The following GNG7 variants were observed in gnomAD, a reference collection of about 807,000 sequenced individuals.
GNG7 encodes G protein subunit gamma 7.
Under a neutral mutation model 4.0 loss-of-function variants are expected in GNG7, and 1 was observed. The ratio of observed to expected loss-of-function variants is 0.25; its 90% CI spans 0.09 to 1.18. The LOEUF (loss-of-function observed/expected upper bound fraction) is 1.18. Ranked by LOEUF, GNG7 falls within the 50% of genes most tolerant of loss-of-function variation. The pLI, the probability that GNG7 is intolerant of heterozygous loss-of-function variation, is 0.50. For synonymous variants in GNG7, 34 were observed against 36.9 expected, an observed-to-expected ratio of 0.92 and a Z score of 0.29; for missense variants, 86 against 91.9, an observed-to-expected ratio of 0.94 and a Z score of 0.26.
intron 4 of GNG7, 43 bp downstream of exon 4, chr19:2,520,565 C>T (rs572018660): frequency 1.7e-6 from 2 of 1,188,492 alleles, no homozygotes; most frequent in South Asian, 2.6e-5. Flanking sequence ...GCGGGGCCCC[C>T]AAGGGTCTCT....
chr19:2,673,285 A>AC (rs1983511657), intron 1 of GNG7, among the ~76,000 whole-genome samples: 1 of 150,498 alleles, frequency 6.6e-6, no homozygotes, highest in East Asian at 2.0e-4. Context: ...AAACAAAACA[A>AC]AACAAAAAAA....
At chr19:2,648,957 C>T (rs1215311584) in intron 1 of GNG7, among the ~76,000 whole-genome samples, 1 of 151,658 alleles carries the variant, frequency 6.6e-6, no homozygotes, top group African/African-American at 2.4e-5. Flanking sequence ...GGTGTAATCA[C>T]AGCTCACTGC....
Position 2,614,106 on chromosome 19 carries a change from CG to C in GNG7, c.-78+32117del. ...GTGGGTCCGTTGCAGGCGTCTGTTG[CG>C]AGACCACATCCTCACCACCCGGTGA... is the stretch of plus-strand genomic sequence containing the variant. On this transcript the variant is annotated intron_variant, in intron 2 of 4. Transcript: ENST00000382159. This position sits in a 1 kb window ranked among gnomAD's most constrained non-coding sequence, Gnocchi z 6.0. Among the ~76,000 whole-genome samples, 1 of 152,122 alleles carries C rather than the reference CG, an allele frequency of 6.6e-6. No homozygotes were observed. Among genetic ancestry groups the C allele is most frequent in the Non-Finnish European group, 1.5e-5 (1 of 68,024 alleles).
chr19:2,592,929 G>GGGAA (rs533301759), intron 2 of GNG7, among the ~76,000 whole-genome samples: 4 of 146,310 alleles, frequency 2.7e-5, no homozygotes, highest in Non-Finnish European at 4.5e-5. Context: ...AGGAGAGGGA[G>GGGAA]GGAAGGAAGG....
chr19:2,651,200 G>A (rs1362102963), intron 1 of GNG7, among the ~76,000 whole-genome samples: 2 of 151,798 alleles, frequency 1.3e-5, no homozygotes, highest in Non-Finnish European at 2.9e-5. Context: ...TGTCCTGGAG[G>A]CACTTCTCCA....
rs1981673073 is a variant in GNG7, at chr19:2,614,757, G to A, written c.-78+31467C>T. Among the ~76,000 whole-genome samples, 2 of 152,194 alleles carry A rather than the reference G, an allele frequency of 1.3e-5. No homozygotes were observed. The highest frequency in any genetic ancestry group is 1.3e-4 in the Admixed American group (2 of 15,266). ...CGTACTGTATGAACATTTGTGGCAAGGTTCTATTTGAACACCTGCTTCCAA... is the reference window on the plus strand; with the variant it reads ...CGTACTGTATGAACATTTGTGGCAAAGTTCTATTTGAACACCTGCTTCCAA... On this transcript the variant is annotated intron_variant, in intron 2 of 4. Coordinates refer to ENST00000382159, the MANE Select transcript of GNG7 (RefSeq NM_052847.3). This position sits in a 1 kb window ranked among gnomAD's most constrained non-coding sequence, Gnocchi z 6.0.
At chr19:2,632,985 G>C (rs1172042881) in intron 2 of GNG7, 1 of 152,244 alleles carries the variant, frequency 6.6e-6, no homozygotes, top group East Asian at 1.9e-4. Flanking sequence ...GGGACAGGGG[G>C]CCCCTCTACC....
intron 3 of GNG7, among the ~76,000 whole-genome samples, chr19:2,527,979 G>A (rs1346500036): frequency 6.6e-6 from 1 of 152,066 alleles, no homozygotes; most frequent in Non-Finnish European, 1.5e-5. Context: ...GGTACTGAAT[G>A]AAAATATGCT....
At chr19:2,656,341 C>T (rs542858598) in intron 1 of GNG7, among the ~76,000 whole-genome samples, 15 of 152,250 alleles carry the variant, frequency 9.9e-5, no homozygotes, top group Admixed American at 2.0e-4. Flanking sequence ...CGGTGGCTCA[C>T]GCCTGTCATC....
At chr19:2,675,932 G>A (rs989371496) in intron 1 of GNG7, among the ~76,000 whole-genome samples, 2 of 152,230 alleles carry the variant, frequency 1.3e-5, no homozygotes, top group Non-Finnish European at 2.9e-5. Context: ...TGGAAACAGG[G>A]TTTCTGCAGA....
At chr19:2,567,968 T>C (rs1979972480) in intron 2 of GNG7, among the ~76,000 whole-genome samples, 1 of 152,102 alleles carries the variant, frequency 6.6e-6, no homozygotes, top group South Asian at 2.1e-4. Flanking sequence ...AACGCCTTCC[T>C]GGAAAATGCA....
At chr19:2,555,488 CA>C (rs1979514636) in intron 2 of GNG7, among the ~76,000 whole-genome samples, 3 of 152,328 alleles carry the variant, frequency 2.0e-5, no homozygotes, top group Admixed American at 2.0e-4. Flanking sequence ...ACCCCACAGT[CA>C]AAGTCCAGTC....
chr19:2,525,472 CAAG>C lies in GNG7; in HGVS notation c.-37-4750_-37-4748del, dbSNP rs367584531. 9.8e-3 allele frequency among the ~76,000 whole-genome samples: 1,121 copies of C among 114,698 alleles called. 17 individuals are homozygous for C. The highest frequency in any genetic ancestry group is 0.037 in the African/African-American group (1,069 of 28,596). The allele number at this position is 114,698 out of a possible 152,430, so 75.2% of individuals were successfully genotyped here. On this transcript the variant is annotated intron_variant, in intron 3 of 4. Coordinates refer to ENST00000382159, the MANE Select transcript of GNG7 (RefSeq NM_052847.3). ...AAAAATCCCACTCGCGCCTGAAAGTCAAGAAGGATGAGGGTACCCCCCCACTCC... is the reference window on the plus strand; with the variant it reads ...AAAAATCCCACTCGCGCCTGAAAGTCAAGGATGAGGGTACCCCCCCACTCC...
chr19:2,560,269 G>A (rs983731209), intron 2 of GNG7, among the ~76,000 whole-genome samples: 6 of 152,186 alleles, frequency 3.9e-5, no homozygotes, highest in East Asian at 1.9e-4. Context: ...TGTCCCTCGC[G>A]CCCCTAGTGT....
In GNG7 at chr19:2,653,008, G is replaced by T. The variant is rs1055048300; in HGVS notation, c.-134-6728C>A. On this transcript the variant is annotated intron_variant, in intron 1 of 4. Coordinates refer to ENST00000382159, the MANE Select transcript of GNG7 (RefSeq NM_052847.3). The surrounding 1 kb of genome is among the most constrained non-coding windows in gnomAD (Gnocchi z 4.8). ...TGGGCATGGTGGCTCCAGGGATCAC[G>T]TGAGCCCAGAAGGCAGAGGCTGCAG... 2.0e-5 allele frequency among the ~76,000 whole-genome samples: 3 copies of T among 151,476 alleles called. No homozygotes were observed. The East Asian group carries it at 5.9e-4, about 30-fold the overall frequency.
chr19:2,543,313 T>C (rs1201751214), intron 3 of GNG7, among the ~76,000 whole-genome samples: 2 of 151,296 alleles, frequency 1.3e-5, no homozygotes, highest in Admixed American at 1.3e-4. Context: ...CTTGACCTCC[T>C]GGCCTCCAGA....
intron 2 of GNG7, among the ~76,000 whole-genome samples, chr19:2,619,700 G>A (rs139317709): frequency 0.013 from 1,915 of 152,224 alleles, 21 homozygotes; most frequent in Non-Finnish European, 0.02. Flanking sequence ...CCATTTCTAC[G>A]AAATGTCCAG....
At chr19:2,663,345 T>C (rs1167013332) in intron 1 of GNG7, among the ~76,000 whole-genome samples, 3 of 147,410 alleles carry the variant, frequency 2.0e-5, no homozygotes, top group African/African-American at 5.1e-5. Context: ...TCTCTCTCTC[T>C]CCCCCCCCTC....
At chr19:2,630,220 G>A (rs749311556) in intron 2 of GNG7, among the ~76,000 whole-genome samples, 2 of 152,126 alleles carry the variant, frequency 1.3e-5, no homozygotes, top group African/African-American at 2.4e-5. Context: ...GAGGCCGAAC[G>A]CAGGCCCCCC....
Sources: gnomAD v4.1 joint callset for allele counts (sites outside exome capture counted in the v4.1 genomes callset) on GRCh38, gnomAD v4.1.1 for gene constraint, Gnocchi (gnomAD v3.1) non-coding constraint, MANE v1.5 for transcripts, NCBI Gene and HGNC (gene_info 2026-07-23, HGNC 2026-07-21) for gene names.